The following DNAH5 variants were observed in gnomAD, a reference collection of about 807,000 sequenced individuals.
DNAH5 encodes dynein axonemal heavy chain 5.
In DNAH5, 372 loss-of-function variants were observed where a neutral mutation model predicts 518.2. That is an observed-to-expected ratio of 0.72 (90% CI 0.66 to 0.78). The LOEUF (loss-of-function observed/expected upper bound fraction) is 0.78, where lower values mean the gene tolerates loss of function less well. Ranked by LOEUF, DNAH5 falls within the 30% of genes least tolerant of loss-of-function variation. The pLI is 0.00. For synonymous variants in DNAH5, 2,039 were observed against 2,025.9 expected, an observed-to-expected ratio of 1.01 and a Z score of -0.17; for missense variants, 5,523 against 5,687.0, an observed-to-expected ratio of 0.97 and a Z score of 0.93.
chr5:13,909,827 T>G (rs1008116801), intron 12 of DNAH5, among the ~76,000 whole-genome samples: 2 of 152,210 alleles, frequency 1.3e-5, no homozygotes, highest in African/African-American at 4.8e-5. Flanking sequence ...CTTGATTTAT[T>G]TCTGTATTCA....
At chr5:13,747,373 G>T (rs1580035263) in intron 65 of DNAH5, among the ~76,000 whole-genome samples, 1 of 152,184 alleles carries the variant, frequency 6.6e-6, no homozygotes, top group East Asian at 1.9e-4. Context: ...CTTTATAGCA[G>T]CATGATTTAT....
chr5:13,926,286 A>G (rs1437569236), intron 3 of DNAH5, among the ~76,000 whole-genome samples: 1 of 152,204 alleles, frequency 6.6e-6, no homozygotes, highest in Non-Finnish European at 1.5e-5. Context: ...TCACCTCGGG[A>G]GAAACCACCA....
At chr5:13,901,993 C>A in intron 13 of DNAH5, 60 bp downstream of exon 13, 2 of 1,193,358 alleles carry the variant, frequency 1.7e-6, no homozygotes, top group Non-Finnish European at 2.4e-6. Context: ...ATAGGAATAA[C>A]AACAATAAAA....
At chr5:13,713,438 T>TATATATATATATATATATACATCGAC (rs1554018844) in intron 75 of DNAH5, among the ~76,000 whole-genome samples, 73 of 87,162 alleles carry the variant, frequency 8.4e-4, no homozygotes, top group African/African-American at 3.1e-3. Flanking sequence ...CATCGACATA[T>TATATATATATATATATATACATCGAC]ATATATATAT....
intron 21 of DNAH5, among the ~76,000 whole-genome samples, chr5:13,877,628 A>G (rs1384959253): frequency 6.6e-6 from 1 of 152,194 alleles, no homozygotes; most frequent in Non-Finnish European, 1.5e-5. Flanking sequence ...TATCCGCATC[A>G]AAGGGCAGGA....
intron 76 of DNAH5, 72 bp from the exon 77 acceptor site, chr5:13,701,508 GAA>G (rs61338089): frequency 0.013 from 12,900 of 1,026,556 alleles, 1 homozygote; most frequent in Admixed American, 0.014. Context: ...TATGTTCACT[GAA>G]AAAAAAAAAA....
chr5:13,886,135 CAAAAA>C lies in DNAH5; in HGVS notation c.2578-11_2578-7del, dbSNP rs71600031. The C allele has an allele frequency of 6.1e-3, 8,158 of 1,330,360 alleles. 63 individuals are homozygous for C. Among genetic ancestry groups the C allele is most frequent in the African/African-American group, 0.055 (3,345 of 60,278 alleles). 82.4% of individuals were successfully genotyped at this position (1,330,360 alleles called of 1,614,324 possible). ...GCACCATTTACACAAAGATCCTAAC[CAAAAA>C]AAAAAAAAAAAAAAGATAGCACAGT... On this transcript the variant is annotated splice_polypyrimidine_tract_variant and splice_region_variant and intron_variant, in intron 17 of 78. Transcript: ENST00000265104.
intron 70 of DNAH5, among the ~76,000 whole-genome samples, chr5:13,722,956 A>G (rs995840544): frequency 8.5e-5 from 13 of 152,320 alleles, no homozygotes; most frequent in Admixed American, 7.2e-4. Flanking sequence ...CCTCTTTGAC[A>G]GGACTAGGCC....
At chr5:13,872,956 A>T (rs1770342129) in intron 22 of DNAH5, among the ~76,000 whole-genome samples, 1 of 152,182 alleles carries the variant, frequency 6.6e-6, no homozygotes, top group African/African-American at 2.4e-5. Flanking sequence ...GAAGAGTCAG[A>T]TTTCTCATCA....
At position 13,931,247 on chromosome 5, in the gene DNAH5, A is replaced by G. The variant is rs1374320126; in HGVS notation, c.58-3T>C. 1.9e-6 allele frequency: 3 copies of G among 1,613,918 alleles called. No homozygotes were observed. The highest frequency in any genetic ancestry group is 2.5e-6 in the Non-Finnish European group (3 of 1,179,902). ...TCCTTCTCTCCCTTCAGTCTTTGCT[A>G]AAAGAAAAGAATAAAAATGTTACAT... On this transcript the variant is annotated splice_region_variant and splice_polypyrimidine_tract_variant and intron_variant, in intron 1 of 78. Coordinates refer to ENST00000265104, the MANE Select transcript of DNAH5 (RefSeq NM_001369.3).
At chr5:13,737,144 C>T in intron 66 of DNAH5, 108 bp downstream of exon 66, 1 of 1,549,032 alleles carries the variant, frequency 6.5e-7, no homozygotes. Context: ...AACACCTCCA[C>T]TTTGCATAAT....
chr5:13,818,827 T>C (rs530632193), intron 41 of DNAH5, among the ~76,000 whole-genome samples: 49 of 152,330 alleles, frequency 3.2e-4, no homozygotes, highest in Middle Eastern at 3.4e-3. Flanking sequence ...ATAATATGCA[T>C]CAGCCCTCCA....
Position 13,962,004 on chromosome 5 carries a change from T to C in DNAH5, c.13-30760A>G, listed in dbSNP as rs1462032413. On this transcript the variant is annotated intron_variant, in intron 1 of 78. Transcript: ENST00000681290. Reference sequence around the variant, plus strand: ...ATATACTTTTTGAGGTTTTCTTTATTATCAATAGCTTTATTGAAGTATACT... The same window carrying C: ...ATATACTTTTTGAGGTTTTCTTTATCATCAATAGCTTTATTGAAGTATACT... 3.3e-5 allele frequency among the ~76,000 whole-genome samples: 5 copies of C among 152,218 alleles called. 1 individual carries two copies. Among genetic ancestry groups the C allele is most frequent in the South Asian group, 4.1e-4 (2 of 4,828 alleles).
intron 76 of DNAH5, 44 bp downstream of exon 76, chr5:13,708,079 C>T: frequency 6.3e-7 from 1 of 1,596,430 alleles, no homozygotes; most frequent in Non-Finnish European, 8.6e-7. Flanking sequence ...CAACTCTTCA[C>T]AATCATAAGT....
chr5:13,885,164 CA>C lies in DNAH5; in HGVS notation c.2807del (p.Leu936ArgfsTer3). On this transcript the variant is annotated frameshift_variant, in exon 19 of 79. Coordinates refer to ENST00000265104, the MANE Select transcript of DNAH5 (RefSeq NM_001369.3). LOFTEE classifies it high-confidence loss of function. ...TSSINARANA[L>X]LLTTVTRKKK... The stretch of plus-strand genomic sequence containing the variant: ...TTTTCCTCGTGACTGTCGTCAAAAG[CA>C]GGGCATTGGCCCTGGCATTAATAGA... The C allele has an allele frequency of 5.6e-6, 9 of 1,614,180 alleles. No homozygotes were observed. The highest frequency in any genetic ancestry group is 7.6e-6 in the Non-Finnish European group (9 of 1,180,008).
intron 1 of DNAH5, among the ~76,000 whole-genome samples, chr5:14,002,770 A>G (rs894214311): frequency 9.2e-5 from 14 of 151,994 alleles, no homozygotes; most frequent in African/African-American, 3.4e-4. Context: ...GATTTTCCTT[A>G]CTTTAATTAA....
chr5:13,931,049 G>A (rs1580944975), intron 2 of DNAH5, 61 bp downstream of exon 2: 1 of 1,612,198 alleles, frequency 6.2e-7, no homozygotes. Context: ...CCACAGGACT[G>A]TGTCAACAGA....
chr5:13,733,881 T>C (rs1746965689), intron 68 of DNAH5, among the ~76,000 whole-genome samples: 2 of 152,106 alleles, frequency 1.3e-5, no homozygotes, highest in South Asian at 2.1e-4. Context: ...ATGTTAAGCA[T>C]GAAAATCTCC....
chr5:14,003,332 T>C (rs960293769), intron 1 of DNAH5, among the ~76,000 whole-genome samples: 2 of 152,230 alleles, frequency 1.3e-5, no homozygotes, highest in African/African-American at 4.8e-5. Context: ...TTTTTGATAG[T>C]GAAGAAAATG....
Sources: allele counts gnomAD v4.1 joint callset (sites outside exome capture counted in the v4.1 genomes callset), GRCh38; gene constraint gnomAD v4.1.1; transcripts MANE v1.5; gene names NCBI Gene and HGNC (gene_info 2026-07-23, HGNC 2026-07-21).